Variants in DMD observed in about 807,000 individuals in gnomAD.
DMD encodes dystrophin.
Under a neutral mutation model 330.1 loss-of-function variants are expected in DMD, and 63 were observed. The observed-to-expected ratio is 0.19, with a 90% CI of 0.16 to 0.24. The LOEUF is 0.24. Among genes scored for constraint, DMD ranks in the 10% least tolerant of loss-of-function variants. DMD has a pLI of 1.00. For missense variants in DMD, 3,344 were observed against 2,684.1 expected (o/e 1.25, Z -5.43); for synonymous variants, 1,223 against 959.8 (o/e 1.27, Z -5.07).
intron 7 of DMD, among the ~76,000 whole-genome samples, chrX:32,703,966 C>A (rs1398969609): frequency 9.0e-6 from 1 of 111,311 alleles, no homozygotes; most frequent in Non-Finnish European, 1.9e-5. Flanking sequence ...TCACGGACAC[C>A]AGATTTTAAT....
chrX:32,645,839 T>C (rs2059747277), intron 9 of DMD, among the ~76,000 whole-genome samples: 1 of 112,174 alleles, frequency 8.9e-6, no homozygotes, highest in Admixed American at 9.5e-5. Flanking sequence ...AGAATGCAAA[T>C]GGTTGTCTTG....
intron 41 of DMD, among the ~76,000 whole-genome samples, chrX:32,324,279 C>G (rs1227000784): frequency 9.0e-6 from 1 of 111,247 alleles, no homozygotes; most frequent in African/African-American, 3.3e-5. Context: ...AAAATATTTG[C>G]ATAAGTTAAA....
At chrX:31,986,170 ATAAT>A (rs1389858131) in intron 44 of DMD, among the ~76,000 whole-genome samples, 1 of 111,795 alleles carries the variant, frequency 8.9e-6, no homozygotes, top group East Asian at 2.8e-4. Context: ...TAATGGGAGA[ATAAT>A]TAATTATTTA....
intron 44 of DMD, among the ~76,000 whole-genome samples, chrX:31,987,190 T>C (rs1042136169): frequency 7.1e-5 from 8 of 112,069 alleles, no homozygotes; most frequent in African/African-American, 2.3e-4. Context: ...ATTAAGACCT[T>C]TATTTGTATT....
At chrX:32,415,663 G>C (rs762752920) in intron 29 of DMD, among the ~76,000 whole-genome samples, 1 of 111,833 alleles carries the variant, frequency 8.9e-6, no homozygotes, top group African/African-American at 3.2e-5. Flanking sequence ...CATGTCTTTA[G>C]CTAATCCACT....
chrX:31,552,922 G>C (rs1467301988), intron 55 of DMD, among the ~76,000 whole-genome samples: 3 of 111,943 alleles, frequency 2.7e-5, no homozygotes, highest in Non-Finnish European at 1.9e-5. Flanking sequence ...ATTTGTAGTA[G>C]TAGTAGTGGT....
At chrX:33,034,467 C>T (rs1174432165) in intron 1 of DMD, among the ~76,000 whole-genome samples, 3 of 111,594 alleles carry the variant, frequency 2.7e-5, no homozygotes, top group African/African-American at 9.8e-5. Context: ...ATAATAATAT[C>T]GGTGTAGCTT....
At chrX:32,336,151 T>C (rs1170644036) in intron 41 of DMD, among the ~76,000 whole-genome samples, 2 of 108,696 alleles carry the variant, frequency 1.8e-5, no homozygotes, top group African/African-American at 6.9e-5. Flanking sequence ...GTATAACATG[T>C]TATCTGTGTG....
intron 60 of DMD, among the ~76,000 whole-genome samples, chrX:31,413,295 C>T (rs746181501): frequency 1.9e-4 from 21 of 112,300 alleles, no homozygotes; most frequent in African/African-American, 5.2e-4. Flanking sequence ...TCATATAAAG[C>T]GCCACAAAGT....
chrX:33,074,467 T>C (rs1389794058), intron 1 of DMD, among the ~76,000 whole-genome samples: 1 of 110,564 alleles, frequency 9.0e-6, no homozygotes, highest in Non-Finnish European at 1.9e-5. Flanking sequence ...TTTAACTCCT[T>C]TGATTCAGTG....
At chrX:31,278,609 G>T (rs1026408893) in intron 62 of DMD, among the ~76,000 whole-genome samples, 1 of 112,075 alleles carries the variant, frequency 8.9e-6, no homozygotes, top group African/African-American at 3.2e-5. Flanking sequence ...AAACATTGCT[G>T]CTAAAAGTAT....
chrX:32,315,048 A>G (rs964221406), intron 41 of DMD, among the ~76,000 whole-genome samples: 8 of 111,883 alleles, frequency 7.2e-5, no homozygotes, highest in African/African-American at 2.0e-4. Flanking sequence ...ATATATACCC[A>G]AAGGATTATA....
intron 5 of DMD, among the ~76,000 whole-genome samples, chrX:32,822,288 C>T (rs926138983): frequency 9.1e-6 from 1 of 110,373 alleles, no homozygotes; most frequent in African/African-American, 3.3e-5. Flanking sequence ...GTGAAGGGAC[C>T]ATGGCCCAGA....
At chrX:31,374,383 T>C (rs1315691973) in intron 60 of DMD, among the ~76,000 whole-genome samples, 1 of 108,847 alleles carries the variant, frequency 9.2e-6, no homozygotes, top group Non-Finnish European at 1.9e-5. Context: ...GTACGTTTAT[T>C]GTGGCACTAT....
chrX:31,642,596 T>A (rs1443727641), intron 54 of DMD, among the ~76,000 whole-genome samples: 2 of 112,181 alleles, frequency 1.8e-5, no homozygotes, highest in Non-Finnish European at 3.8e-5. Context: ...AACAATTTGG[T>A]CATTTCCTTA....
At chrX:31,898,323 C>T (rs1422068083) in intron 47 of DMD, among the ~76,000 whole-genome samples, 1 of 109,641 alleles carries the variant, frequency 9.1e-6, no homozygotes, top group African/African-American at 3.3e-5. Context: ...CAATCCTGAG[C>T]CAAAAGAACA....
In DMD at chrX:31,260,747, G is replaced by T. The variant is rs1234722839; in HGVS notation, c.9286+208C>A. On this transcript the variant is annotated intron_variant, in intron 63 of 78. Transcript: ENST00000357033. The stretch of plus-strand genomic sequence containing the variant: ...CCTCTCAGGTATATTGAATTTTTAG[G>T]AATCAATCAACTTCTAAAACTTGTT... Among the ~76,000 whole-genome samples the T allele has an allele frequency of 5.4e-5, 6 of 111,726 alleles. No homozygotes were observed. In the East Asian group the frequency reaches 1.7e-3, roughly 31 times the overall value.
At chrX:32,992,524 C>A (rs1938582537) in intron 2 of DMD, among the ~76,000 whole-genome samples, 1 of 111,745 alleles carries the variant, frequency 8.9e-6, no homozygotes, top group East Asian at 2.8e-4. Flanking sequence ...AATAACTTGC[C>A]TTTTCCAGGT....
At position 31,826,163 on chromosome X, in the gene DMD, A is replaced by C. The variant is rs766211840; in HGVS notation, c.7201-6080T>G. Among the ~76,000 whole-genome samples the C allele has an allele frequency of 6.3e-5, 7 of 111,925 alleles. No homozygotes were observed. In the East Asian group the frequency reaches 1.9e-3, roughly 31 times the overall value. On this transcript the variant is annotated intron_variant, in intron 49 of 78. Coordinates refer to ENST00000357033, the MANE Select transcript of DMD (RefSeq NM_004006.3). ...TACATAAACTCTAAATAGTCTGTCC[A>C]TTTACTCTAATATTATCTTTCCCAC...
Sources: gnomAD v4.1 joint callset for allele counts (sites outside exome capture counted in the v4.1 genomes callset) on GRCh38, gnomAD v4.1.1 for gene constraint, MANE v1.5 for transcripts, NCBI Gene and HGNC (gene_info 2026-07-23, HGNC 2026-07-21) for gene names.